Variants in PHACTR1 observed in about 807,000 individuals in gnomAD.
PHACTR1 encodes the protein RPEL repeat containing 1.
Under a neutral mutation model 69.2 loss-of-function variants are expected in PHACTR1, and 16 were observed. That is an observed-to-expected ratio of 0.23 (90% CI 0.16 to 0.35). The LOEUF is 0.35. Ranked by LOEUF, PHACTR1 falls within the 10% of genes least tolerant of loss-of-function variation. The pLI is 1.00. For synonymous variants in PHACTR1, 312 were observed against 284.5 expected, an observed-to-expected ratio of 1.10 and a Z score of -0.97; for missense variants, 510 against 734.7, an observed-to-expected ratio of 0.69 and a Z score of 3.54.
chr6:12,960,974 C>T (rs1792644593), intron 4 of PHACTR1, among the ~76,000 whole-genome samples: 1 of 152,170 alleles, frequency 6.6e-6, no homozygotes, highest in South Asian at 2.1e-4. Flanking sequence ...AAGACAGTAG[C>T]ATAATTACTC....
At chr6:13,237,377 T>TA (rs894942778) in intron 10 of PHACTR1, among the ~76,000 whole-genome samples, 24 of 150,282 alleles carry the variant, frequency 1.6e-4, no homozygotes, top group South Asian at 8.4e-4. Flanking sequence ...ACCCCTCTTT[T>TA]AAAAAAAAAA....
chr6:13,139,292 C>A (rs1822043650), intron 5 of PHACTR1, among the ~76,000 whole-genome samples: 1 of 152,126 alleles, frequency 6.6e-6, no homozygotes, highest in Non-Finnish European at 1.5e-5. Context: ...GGAACGCAGC[C>A]ACATACATCC....
At position 13,193,844 on chromosome 6, in the gene PHACTR1, C is replaced by G. The variant is rs547044949; in HGVS notation, c.664+11158C>G. On this transcript the variant is annotated intron_variant, in intron 7 of 14. Transcript: ENST00000332995. ...TATCTGCTTGGATGAATGAATGATC[C>G]TTTCATCTCTCCATCTCTGCATTTC... 3.3e-5 allele frequency among the ~76,000 whole-genome samples: 5 copies of G among 152,048 alleles called. No individual in the cohort carries two copies. In the South Asian group the frequency reaches 1.0e-3, roughly 32 times the overall value.
intron 13 of PHACTR1, among the ~76,000 whole-genome samples, chr6:13,285,687 G>A (rs1781529014): frequency 3.9e-5 from 6 of 152,194 alleles, no homozygotes; most frequent in Admixed American, 3.9e-4. Context: ...ACAAACTGTT[G>A]GTAGGGAGCT....
At chr6:13,217,150 G>A (rs543330571) in intron 8 of PHACTR1, among the ~76,000 whole-genome samples, 201 of 152,240 alleles carry the variant, frequency 1.3e-3, no homozygotes, top group Non-Finnish European at 1.7e-3. Context: ...TAAATTGTTG[G>A]TGTTGACATG....
chr6:13,013,684 C>G (rs1016186713), intron 4 of PHACTR1, among the ~76,000 whole-genome samples: 2 of 151,956 alleles, frequency 1.3e-5, no homozygotes, highest in African/African-American at 4.8e-5. Flanking sequence ...CCTCCTCCGG[C>G]TTCGGGATCC....
chr6:12,841,826 G>T (rs751435296), intron 4 of PHACTR1, among the ~76,000 whole-genome samples: 53 of 152,188 alleles, frequency 3.5e-4, no homozygotes, highest in Middle Eastern at 3.4e-3. Context: ...AGTATCTGTT[G>T]TGGGAATCTT....
intron 4 of PHACTR1, among the ~76,000 whole-genome samples, chr6:12,827,803 A>G (rs1464825312): frequency 6.6e-6 from 1 of 152,196 alleles, no homozygotes; most frequent in Non-Finnish European, 1.5e-5. Flanking sequence ...GTAAATTTTA[A>G]TGTAATTTCC....
chr6:12,751,856 G>A (rs924042315), intron 4 of PHACTR1, among the ~76,000 whole-genome samples: 3 of 152,210 alleles, frequency 2.0e-5, no homozygotes, highest in African/African-American at 7.2e-5. Context: ...AGGAGGAAGG[G>A]CATTAGCAGC....
At chr6:12,764,999 T>C (rs932340129) in intron 4 of PHACTR1, among the ~76,000 whole-genome samples, 1 of 152,292 alleles carries the variant, frequency 6.6e-6, no homozygotes, top group Admixed American at 6.5e-5. Flanking sequence ...ATTATCTTTC[T>C]GAATGGTAGC....
chr6:13,013,475 T>A (rs1799675672), intron 4 of PHACTR1, among the ~76,000 whole-genome samples: 1 of 152,052 alleles, frequency 6.6e-6, no homozygotes, highest in Non-Finnish European at 1.5e-5. Context: ...GCTTTAGGCG[T>A]GAAGAAAAGG....
chr6:12,927,570 C>G (rs1788405819), intron 4 of PHACTR1, among the ~76,000 whole-genome samples: 1 of 152,190 alleles, frequency 6.6e-6, no homozygotes, highest in Non-Finnish European at 1.5e-5. Context: ...TGAGGAAACT[C>G]AGTTATTTGC....
At chr6:12,900,023 C>T (rs965002052) in intron 4 of PHACTR1, among the ~76,000 whole-genome samples, 1 of 152,120 alleles carries the variant, frequency 6.6e-6, no homozygotes, top group African/African-American at 2.4e-5. Context: ...TCTAGTGGAC[C>T]CTCCCTGAAG....
At chr6:12,896,957 A>G (rs1295655210) in intron 4 of PHACTR1, among the ~76,000 whole-genome samples, 1 of 152,204 alleles carries the variant, frequency 6.6e-6, no homozygotes, top group Non-Finnish European at 1.5e-5. Context: ...AGTGAAGTTT[A>G]AGCTCCCAGT....
At chr6:12,952,035 C>G (rs1791362458) in intron 4 of PHACTR1, among the ~76,000 whole-genome samples, 1 of 152,220 alleles carries the variant, frequency 6.6e-6, no homozygotes, top group Admixed American at 6.5e-5. Context: ...GCCCTGGGCA[C>G]CCGTGAGCAA....
chr6:12,760,021 T>A (rs958095381), intron 4 of PHACTR1, among the ~76,000 whole-genome samples: 1 of 152,232 alleles, frequency 6.6e-6, no homozygotes, highest in Admixed American at 6.5e-5. Flanking sequence ...AAAGAGCAAA[T>A]AATTAAATAA....
intron 4 of PHACTR1, among the ~76,000 whole-genome samples, chr6:12,846,940 G>A (rs1451059533): frequency 6.6e-6 from 1 of 151,602 alleles, no homozygotes; most frequent in Non-Finnish European, 1.5e-5. Context: ...GAGTAGCTAG[G>A]ACCACAGCTA....
At chr6:12,969,109 A>G (rs1309031551) in intron 4 of PHACTR1, among the ~76,000 whole-genome samples, 1 of 152,220 alleles carries the variant, frequency 6.6e-6, no homozygotes, top group Non-Finnish European at 1.5e-5. Context: ...CCTTTTAAAA[A>G]TTCTAACTCA....
At chr6:12,811,651 GCCCAA>G (rs1208782257) in intron 4 of PHACTR1, among the ~76,000 whole-genome samples, 1 of 152,098 alleles carries the variant, frequency 6.6e-6, no homozygotes, top group East Asian at 1.9e-4. Context: ...GAGGCTGTTA[GCCCAA>G]ATACATCCCA....
Sources: allele counts gnomAD v4.1 joint callset (sites outside exome capture counted in the v4.1 genomes callset), GRCh38; gene constraint gnomAD v4.1.1; transcripts MANE v1.5; gene names NCBI Gene and HGNC (gene_info 2026-07-23, HGNC 2026-07-21).